Variants in KCNQ1 observed in about 807,000 individuals in gnomAD.
KCNQ1 encodes potassium voltage-gated channel subfamily KQT member 1.
Under a neutral mutation model 72.4 loss-of-function variants are expected in KCNQ1, and 49 were observed. The observed-to-expected ratio is 0.68, with a 90% confidence interval of 0.54 to 0.86. The LOEUF (loss-of-function observed/expected upper bound fraction) is 0.86. Among genes scored for constraint, KCNQ1 ranks in the 40% least tolerant of loss-of-function variants. KCNQ1 has a pLI of 0.00. For missense variants in KCNQ1, 790 were observed against 945.1 expected (o/e 0.84, Z 2.15); for synonymous variants, 450 against 412.6 (o/e 1.09, Z -1.10).
At chr11:2,819,989 T>C (rs1201130510) in intron 15 of KCNQ1, among the ~76,000 whole-genome samples, 2 of 152,252 alleles carry the variant, frequency 1.3e-5, no homozygotes, top group Non-Finnish European at 2.9e-5. Context: ...TTACTTTACT[T>C]GCTTAAGGTT....
At chr11:2,587,802 C>T in intron 9 of KCNQ1, 110 bp downstream of exon 9, 1 of 1,475,904 alleles carries the variant, frequency 6.8e-7, no homozygotes, top group Non-Finnish European at 9.4e-7. Flanking sequence ...CTTGGTACAG[C>T]CTGTGTCAGG....
chr11:2,631,819 C>T (rs1271862551), intron 10 of KCNQ1: 2 of 398,478 alleles, frequency 5.0e-6, no homozygotes, highest in Non-Finnish European at 8.8e-6. Flanking sequence ...GCTGAGTGTC[C>T]TGATGCTGTC....
chr11:2,571,180 C>A (rs552896736), intron 3 of KCNQ1, 145 bp from the exon 4 acceptor site: 9 of 732,598 alleles, frequency 1.2e-5, no homozygotes, highest in Non-Finnish European at 2.2e-5. Flanking sequence ...CCTCCCTATC[C>A]GAGGTGTCTC....
At chr11:2,680,970 T>G (rs1020415139) in intron 11 of KCNQ1, 2 of 398,488 alleles carry the variant, frequency 5.0e-6, no homozygotes, top group African/African-American at 4.1e-5. Context: ...TTTTCAAGAT[T>G]GCACTGACCA....
intron 11 of KCNQ1, among the ~76,000 whole-genome samples, chr11:2,709,066 C>T (rs966462983): frequency 5.3e-5 from 8 of 152,126 alleles, no homozygotes; most frequent in African/African-American, 9.7e-5. Flanking sequence ...CCTGCTCCAC[C>T]GCCCCTCCCT....
chr11:2,729,701 G>C (rs1430211629), intron 11 of KCNQ1, among the ~76,000 whole-genome samples: 1 of 152,212 alleles, frequency 6.6e-6, no homozygotes, highest in East Asian at 1.9e-4. Context: ...GGATGTATGT[G>C]GCCTCCATGT....
chr11:2,571,260 A>G (rs530552347), intron 3 of KCNQ1, 65 bp from the exon 4 acceptor site: 21 of 1,327,098 alleles, frequency 1.6e-5, no homozygotes, highest in East Asian at 2.3e-5. Flanking sequence ...AGCAGGGTGT[A>G]TGCTCTTCCC....
rs181452162 is a variant in KCNQ1, at chr11:2,473,089, C to T, written c.386+27605C>T. On this transcript the variant is annotated intron_variant, in intron 1 of 15. Transcript: ENST00000155840. This position sits in a 1 kb window ranked among gnomAD's most constrained non-coding sequence, Gnocchi z 6.0. The stretch of plus-strand genomic sequence containing the variant: ...GGGGAGCGCCTTCTGGGCAGAGTGG[C>T]ACACAGGGTCCCACCCATCTCAAGT... 1.1e-3 allele frequency among the ~76,000 whole-genome samples: 171 copies of T among 152,142 alleles called. No homozygotes were observed. The highest frequency in any genetic ancestry group is 2.0e-3 in the Non-Finnish European group (139 of 67,990).
At chr11:2,590,974 A>C (rs969982795) in intron 10 of KCNQ1, among the ~76,000 whole-genome samples, 2 of 152,220 alleles carry the variant, frequency 1.3e-5, no homozygotes, top group African/African-American at 4.8e-5. Context: ...TCAGCCATCC[A>C]AGTAATATGA....
chr11:2,810,929 C>A (rs1780069237), intron 15 of KCNQ1, among the ~76,000 whole-genome samples: 1 of 152,222 alleles, frequency 6.6e-6, no homozygotes, highest in South Asian at 2.1e-4. Context: ...GGACATGGAC[C>A]TCATGCTCAG....
rs1276527475 is a variant in KCNQ1, at chr11:2,827,153, A to G, written c.1795-20614A>G. ...CTCGTGTTGCTGTCCCCCAGGTAGG[A>G]GATAAGGGACCAGAGTCAGGGCAGG... On this transcript the variant is annotated intron_variant, in intron 15 of 15. Transcript: ENST00000155840. The surrounding 1 kb of genome is among the most constrained non-coding windows in gnomAD (Gnocchi z 6.7). Among the ~76,000 whole-genome samples the G allele has an allele frequency of 9.2e-5, 14 of 152,152 alleles. No homozygotes were observed. The highest frequency in any genetic ancestry group is 9.2e-4 in the Admixed American group (14 of 15,286).
rs1849865965 is a variant in KCNQ1, at chr11:2,657,233, A to T, written c.1394-4728A>T. The stretch of plus-strand genomic sequence containing the variant: ...GCACTTCCAAGTCGCAGTTAGAATC[A>T]GCTTGCCAAAGTTCTCACACAGAAG... On this transcript the variant is annotated intron_variant, in intron 10 of 15. Transcript: ENST00000155840. This position sits in a 1 kb window ranked among gnomAD's most constrained non-coding sequence, Gnocchi z 4.8. 1.3e-5 allele frequency: 5 copies of T among 398,548 alleles called. No individual in the cohort carries two copies. In the East Asian group the frequency reaches 1.8e-4, roughly 14 times the overall value. The allele number at this position is 398,548 out of a possible 1,614,324, so 24.7% of individuals were successfully genotyped here.
rs139812844 is a variant in KCNQ1, at chr11:2,465,326, G to C, written c.386+19842G>C. Among the ~76,000 whole-genome samples, 12 of 152,286 alleles carry C rather than the reference G, an allele frequency of 7.9e-5. No homozygotes were observed. In the East Asian group the frequency reaches 2.3e-3, roughly 30 times the overall value. On this transcript the variant is annotated intron_variant, in intron 1 of 15. Coordinates refer to ENST00000155840, the MANE Select transcript of KCNQ1 (RefSeq NM_000218.3). The stretch of plus-strand genomic sequence containing the variant: ...CTCCAGTCCAGGTGTGAGGCCCTGA[G>C]GCCCTGGCTGCAGCTGGAAGCTCTT...
At chr11:2,666,135 G>T (rs937591383) in intron 11 of KCNQ1, 6 of 398,578 alleles carry the variant, frequency 1.5e-5, no homozygotes, top group African/African-American at 2.1e-5. Context: ...TGTCTCTTCT[G>T]TTTTGGCATC....
chr11:2,624,667 C>T lies in KCNQ1; in HGVS notation c.1393+35813C>T. ...TACGTTCACAATGCTGTGCAATCAT[C>T]ACTATCATCCATCTCCATAACACTT... On this transcript the variant is annotated intron_variant, in intron 10 of 15. Transcript: ENST00000155840. The surrounding 1 kb of genome is among the most constrained non-coding windows in gnomAD (Gnocchi z 4.9). The T allele has an allele frequency of 2.5e-6, 1 of 398,552 alleles. No homozygotes were observed. The highest frequency in any genetic ancestry group is 4.4e-6 in the Non-Finnish European group (1 of 226,030). 24.7% of individuals were successfully genotyped at this position (398,552 alleles called of 1,614,324 possible). A position where few individuals can be genotyped will look rare whatever the true frequency, so the allele number is the denominator to read the frequency against.
intron 15 of KCNQ1, among the ~76,000 whole-genome samples, chr11:2,832,664 G>T (rs1408674847): frequency 2.0e-5 from 3 of 152,214 alleles, no homozygotes; most frequent in African/African-American, 4.8e-5. Flanking sequence ...CCTCCCCGGA[G>T]CATGTTCCCT....
Position 2,557,472 on chromosome 11 carries a change from C to T in KCNQ1, c.478-13156C>T, listed in dbSNP as rs1848088871. On this transcript the variant is annotated intron_variant, in intron 2 of 15. Coordinates refer to ENST00000155840, the MANE Select transcript of KCNQ1 (RefSeq NM_000218.3). ...ATTCTAACAGTAATTTGAAATAACTCCTGTTCTTGTTATCTATAGCCATGT... is the reference window on the plus strand; with the variant it reads ...ATTCTAACAGTAATTTGAAATAACTTCTGTTCTTGTTATCTATAGCCATGT... 2.0e-5 allele frequency among the ~76,000 whole-genome samples: 3 copies of T among 152,186 alleles called. 1 individual carries two copies. Among genetic ancestry groups the T allele is most frequent in the African/African-American group, 7.2e-5 (3 of 41,434 alleles).
intron 15 of KCNQ1, among the ~76,000 whole-genome samples, chr11:2,834,147 G>A (rs1316392973): frequency 6.6e-6 from 1 of 152,218 alleles, no homozygotes; most frequent in African/African-American, 2.4e-5. Flanking sequence ...TGGCATGGTG[G>A]TGGCATGGTG....
intron 10 of KCNQ1, chr11:2,640,686 A>G (rs1263247725): frequency 5.0e-6 from 2 of 398,206 alleles, no homozygotes; most frequent in Non-Finnish European, 8.8e-6. Context: ...CTCTATAGTT[A>G]GGAACATTTC....
Sources: allele counts gnomAD v4.1 joint callset (sites outside exome capture counted in the v4.1 genomes callset), GRCh38; gene constraint gnomAD v4.1.1; non-coding constraint Gnocchi (gnomAD v3.1); transcripts MANE v1.5; gene names NCBI Gene and HGNC (gene_info 2026-07-23, HGNC 2026-07-21).